Variants in SNED1 observed in about 807,000 individuals in gnomAD.
SNED1 encodes the protein sushi, nidogen and EGF-like domain-containing protein 1.
SNED1 carries 81 observed loss-of-function variants against 166.7 expected under a neutral mutation model. The observed-to-expected ratio is 0.49, with a 90% confidence interval of 0.41 to 0.58. The LOEUF (loss-of-function observed/expected upper bound fraction) is 0.58. Among genes scored for constraint, SNED1 ranks in the 20% least tolerant of loss-of-function variants. The pLI, the probability that SNED1 is intolerant of heterozygous loss-of-function variation, is 0.00. For missense variants in SNED1, 1,604 were observed against 2,000.2 expected (o/e 0.80, Z 3.78); for synonymous variants, 762 against 822.0 (o/e 0.93, Z 1.25).
intron 8 of SNED1, among the ~76,000 whole-genome samples, chr2:241,041,578 G>C (rs550042128): frequency 6.6e-6 from 1 of 152,064 alleles, no homozygotes; most frequent in Admixed American, 6.5e-5. Flanking sequence ...CCAGCTACTC[G>C]GGAGGTTGAG....
intron 27 of SNED1, chr2:241,074,287 TC>T (rs11319289): frequency 0.55 from 83,269 of 150,226 alleles, 24,860 homozygotes; most frequent in African/African-American, 0.81. Flanking sequence ...AAGTTCACCA[TC>T]CCCCCCCCGC....
intron 1 of SNED1, among the ~76,000 whole-genome samples, chr2:241,029,074 G>A: frequency 6.6e-6 from 1 of 152,188 alleles, no homozygotes; most frequent in East Asian, 1.9e-4. Flanking sequence ...ACCCAAAGGG[G>A]AAGTCCAGAG....
rs138982634 is a variant in SNED1 at position 241,032,872 on chromosome 2, T to C, written c.502-863T>C. 5.5e-3 allele frequency among the ~76,000 whole-genome samples: 843 copies of C among 152,346 alleles called. 9 individuals are homozygous for C. The highest frequency in any genetic ancestry group is 0.019 in the African/African-American group (790 of 41,574). On this transcript the variant is annotated intron_variant, in intron 2 of 31. Coordinates refer to ENST00000310397, the MANE Select transcript of SNED1 (RefSeq NM_001080437.3). Reference sequence around the variant, plus strand: ...ACTTTTGGTCTTTTTCTTATTGATCTGTAGTTCTTGAATTAAGGGTCTCGA... The same window carrying C: ...ACTTTTGGTCTTTTTCTTATTGATCCGTAGTTCTTGAATTAAGGGTCTCGA...
chr2:241,053,114 G>A, intron 15 of SNED1, 39 bp from the exon 16 acceptor site: 1 of 1,578,970 alleles, frequency 6.3e-7, no homozygotes, highest in Non-Finnish European at 8.6e-7. Context: ...GGGCCAGGAA[G>A]GCACAGGACC....
At chr2:241,077,795 G>C (rs2063099769) in intron 27 of SNED1, among the ~76,000 whole-genome samples, 2 of 152,134 alleles carry the variant, frequency 1.3e-5, no homozygotes, top group African/African-American at 4.8e-5. Flanking sequence ...AAAACCACTA[G>C]GATGGCGGGA....
chr2:241,037,346 T>A lies in SNED1; in HGVS notation c.1038T>A (p.Cys346Ter). 1 of 1,605,834 alleles carries A rather than the reference T, an allele frequency of 6.2e-7. No homozygotes were observed. Among genetic ancestry groups the A allele is most frequent in the Non-Finnish European group, 8.5e-7 (1 of 1,176,418 alleles). ...CGGCTGGCTTTGGGGGACCCACCTGTGAGACAGGTAAGAGGAACCCACCGG... is the reference window on the plus strand; with the variant it reads ...CGGCTGGCTTTGGGGGACCCACCTGAGAGACAGGTAAGAGGAACCCACCGG... ...QCPAGFGGPT[C>*]ETAQSPCDTK... Residue 346 changes from cysteine (C) to a stop codon, truncating the protein, a stop_gained, in exon 6 of 32, where the codon TGT becomes TGA. Transcript: ENST00000310397. LOFTEE classifies it high-confidence loss of function.
In SNED1 at chr2:241,069,038, G is replaced by A. The variant is rs559224520; in HGVS notation, c.3307+15G>A. ...CGTGTGGACCCGTGAGTAGAGCAGCGCGGCCCCCGGCACACGAAAGGCCGT... is the reference window on the plus strand; with the variant it reads ...CGTGTGGACCCGTGAGTAGAGCAGCACGGCCCCCGGCACACGAAAGGCCGT... On this transcript the variant is annotated intron_variant, in intron 23 of 31. Transcript: ENST00000310397. This position sits in a 1 kb window ranked among gnomAD's most constrained non-coding sequence, Gnocchi z 4.9. The A allele has an allele frequency of 5.9e-6, 9 of 1,520,976 alleles. No homozygotes were observed. In the Middle Eastern group the frequency reaches 5.2e-4, roughly 87 times the overall value. 94.2% of individuals were successfully genotyped at this position (1,520,976 alleles called of 1,614,324 possible).
Position 241,017,071 on chromosome 2 carries a change from G to A in SNED1, c.214-13213G>A, listed in dbSNP as rs1396877572. On this transcript the variant is annotated intron_variant, in intron 1 of 31. Transcript: ENST00000310397. The stretch of plus-strand genomic sequence containing the variant: ...TCTCCATGTTGGTCAGGCTGGTCTC[G>A]AACTCCCGACCTCAGGTGATCCACC... Among the ~76,000 whole-genome samples the A allele has an allele frequency of 2.6e-5, 4 of 151,980 alleles. 1 individual carries two copies. The highest frequency in any genetic ancestry group is 4.2e-4 in the South Asian group (2 of 4,816).
intron 26 of SNED1, 22 bp downstream of exon 26, chr2:241,071,900 C>A (rs748644921): frequency 3.8e-6 from 6 of 1,576,760 alleles, no homozygotes; most frequent in Non-Finnish European, 5.2e-6. Context: ...GGCCTCCCCA[C>A]CCACCTTGGT....
At chr2:241,039,566 C>G (rs1315787572) in intron 6 of SNED1, among the ~76,000 whole-genome samples, 1 of 152,040 alleles carries the variant, frequency 6.6e-6, no homozygotes, top group Admixed American at 6.5e-5. Context: ...TCCCCTAGCT[C>G]ACTCCCACTC....
At chr2:241,059,294 A>G (rs1350302333) in intron 16 of SNED1, among the ~76,000 whole-genome samples, 1 of 152,274 alleles carries the variant, frequency 6.6e-6, no homozygotes, top group Non-Finnish European at 1.5e-5. Flanking sequence ...TCACGGATGA[A>G]TTCTACCAAA....
At chr2:241,017,585 A>C (rs1430458858) in intron 1 of SNED1, among the ~76,000 whole-genome samples, 1 of 152,252 alleles carries the variant, frequency 6.6e-6, no homozygotes, top group Non-Finnish European at 1.5e-5. Flanking sequence ...GGCACAGCAG[A>C]GTGCCTCTCT....
Position 241,076,122 on chromosome 2 carries a change from G to C in SNED1, c.3916+2758G>C, listed in dbSNP as rs182626547. ...CTTCAGAAGTATCATTGCTACCCTT[G>C]GCCTTTTTTCTTCCACATATACACC... is the stretch of plus-strand genomic sequence containing the variant. On this transcript the variant is annotated intron_variant, in intron 27 of 31. Coordinates refer to ENST00000310397, the MANE Select transcript of SNED1 (RefSeq NM_001080437.3). Among the ~76,000 whole-genome samples, 180 of 152,134 alleles carry C rather than the reference G, an allele frequency of 1.2e-3. 1 individual carries two copies. Among genetic ancestry groups the C allele is most frequent in the Middle Eastern group, 3.4e-3 (1 of 294 alleles).
intron 3 of SNED1, 144 bp downstream of exon 3, chr2:241,034,019 A>C: frequency 3.8e-6 from 4 of 1,041,882 alleles, no homozygotes; most frequent in Non-Finnish European, 2.7e-6. Flanking sequence ...ATCCACAACC[A>C]TCCCTGAGGC....
chr2:241,071,656 C>T lies in SNED1; in HGVS notation c.3670C>T (p.Arg1224Cys), dbSNP rs1332352717. Residue 1224 changes from arginine (R) to cysteine (C), a missense_variant, in exon 25 of 32, where the codon CGC becomes TGC. Arg to Cys is a radical substitution (Grantham distance 180). Transcript: ENST00000310397. ...RVLKNRPPPA[R>C]LPELRLLNDH... The stretch of plus-strand genomic sequence containing the variant: ...GCTCAAGAACAGACCGCCCCCGGCG[C>T]GCCTGCCGGAGCTGCGCCTGCTCAA... 41 of 1,568,502 alleles carry T rather than the reference C, an allele frequency of 2.6e-5. No individual in the cohort carries two copies. The highest frequency in any genetic ancestry group is 3.3e-5 in the Non-Finnish European group (38 of 1,164,088).
chr2:241,073,273 A>C lies in SNED1; in HGVS notation c.3825A>C (p.Thr1275=), dbSNP rs778923006. 1.3e-6 allele frequency: 2 copies of C among 1,557,156 alleles called. No individual in the cohort carries two copies. The highest frequency in any genetic ancestry group is 2.4e-5 in the South Asian group (2 of 84,280). ...SKAATVRSQP[T]ASAQLENMEE... ...CCGCCTGGCTTCTCCTAGAACCCAC[A>C]GCCTCGGCGCAGCTCGAGAACATGG... Residue 1275 remains threonine (T), a synonymous_variant, in exon 27 of 32, where the codon ACA becomes ACC. Coordinates refer to ENST00000310397, the MANE Select transcript of SNED1 (RefSeq NM_001080437.3). The surrounding 1 kb of genome is among the most constrained non-coding windows in gnomAD (Gnocchi z 6.6).
Position 241,051,422 on chromosome 2 carries a change from G to A in SNED1, c.1736-322G>A. The A allele has an allele frequency of 7.1e-6, 2 of 281,948 alleles. No homozygotes were observed. Among genetic ancestry groups the A allele is most frequent in the Non-Finnish European group, 1.3e-5 (2 of 151,772 alleles). 17.5% of individuals were successfully genotyped at this position (281,948 alleles called of 1,614,324 possible). Reference sequence around the variant, plus strand: ...AGATGGGGAATGCCCGTGTGCAGGAGGGAGGGAGTGCTGCGCCCGCTGCAG... The same window carrying A: ...AGATGGGGAATGCCCGTGTGCAGGAAGGAGGGAGTGCTGCGCCCGCTGCAG... On this transcript the variant is annotated intron_variant, in intron 12 of 31. Coordinates refer to ENST00000310397, the MANE Select transcript of SNED1 (RefSeq NM_001080437.3). The surrounding 1 kb of genome is among the most constrained non-coding windows in gnomAD (Gnocchi z 4.7).
Position 241,013,040 on chromosome 2 carries a change from T to G in SNED1, c.213+13990T>G, listed in dbSNP as rs933081888. On this transcript the variant is annotated intron_variant, in intron 1 of 31. Transcript: ENST00000310397. The surrounding 1 kb of genome is among the most constrained non-coding windows in gnomAD (Gnocchi z 4.6). ...CAGTAGAGACAGGGTTTCACCATGT[T>G]AGCCAGGATGGTCTCGATCTCCTGA... 2.5e-4 allele frequency among the ~76,000 whole-genome samples: 38 copies of G among 152,258 alleles called. No homozygotes were observed. Among genetic ancestry groups the G allele is most frequent in the African/African-American group, 9.1e-4 (38 of 41,558 alleles).
At position 241,069,944 on chromosome 2, in the gene SNED1, C is replaced by T. The variant is rs531687220; in HGVS notation, c.3332C>T (p.Thr1111Ile). The change falls in exon 24 of 32, where the codon ACC (threonine) becomes ATC (isoleucine). Residue 1111 changes from threonine to isoleucine, a missense_variant. Physicochemically the swap from Thr to Ile is moderately conservative, Grantham distance 89. Transcript: ENST00000310397. This position sits in a 1 kb window ranked among gnomAD's most constrained non-coding sequence, Gnocchi z 4.9. ...GGGCCCCTGCCTCCAGCAAACCTGA[C>T]CGCCGCCCGAGTCACTGCCACCTCT... ...WTRPLPPANL[T>I]AARVTATSAH... 6.2e-7 allele frequency: 1 copy of T among 1,612,794 alleles called. No homozygotes were observed. Among genetic ancestry groups the T allele is most frequent in the South Asian group, 1.1e-5 (1 of 91,072 alleles).
Sources: allele counts gnomAD v4.1 joint callset (sites outside exome capture counted in the v4.1 genomes callset), GRCh38; gene constraint gnomAD v4.1.1; non-coding constraint Gnocchi (gnomAD v3.1); transcripts MANE v1.5; gene names NCBI Gene and HGNC (gene_info 2026-07-23, HGNC 2026-07-21).